The following HDGFL3 variants were observed in gnomAD, a reference collection of about 807,000 sequenced individuals.
HDGFL3 encodes the protein hepatoma-derived growth factor-related protein 3.
A neutral mutation model predicts 27.6 loss-of-function variants in HDGFL3; 6 were observed. The ratio of observed to expected loss-of-function variants is 0.22; its 90% CI spans 0.12 to 0.43. The LOEUF is 0.43. Among genes scored for constraint, HDGFL3 ranks in the 20% least tolerant of loss-of-function variants. The probability of loss-of-function intolerance (pLI) is 1.00; values close to 1 mark genes in which losing one functional copy is unlikely to be tolerated. For missense variants in HDGFL3, 207 were observed against 250.1 expected, an observed-to-expected ratio of 0.83 and a Z score of 1.16; for synonymous variants, 88 against 88.9, an observed-to-expected ratio of 0.99 and a Z score of 0.05.
In HDGFL3 at chr15:83,135,903, A is replaced by G. The variant is rs2036576007; in HGVS notation, c.*3367T>C. ...TAAAAGCTGCAGAAAAAACAAATAC[A>G]TGAATAAATGAATAAACAAAAAACA... On this transcript the variant is annotated 3_prime_UTR_variant, in exon 6 of 6. Coordinates refer to ENST00000299633, the MANE Select transcript of HDGFL3 (RefSeq NM_016073.4). 6.6e-6 allele frequency: 1 copy of G among 152,322 alleles called. No homozygotes were observed. The highest frequency in any genetic ancestry group is 2.1e-4 in the South Asian group (1 of 4,828). The allele number at this position is 152,322 out of a possible 1,614,324, so 9.4% of individuals were successfully genotyped here.
intron 5 of HDGFL3, among the ~76,000 whole-genome samples, chr15:83,140,506 G>C (rs1263143620): frequency 8.2e-6 from 1 of 121,834 alleles, no homozygotes; most frequent in East Asian, 2.5e-4. Context: ...TTTTGAGACA[G>C]AGTCTCGCTC....
At chr15:83,143,360 G>A (rs939099834) in intron 5 of HDGFL3, among the ~76,000 whole-genome samples, 11 of 150,832 alleles carry the variant, frequency 7.3e-5, no homozygotes, top group African/African-American at 2.2e-4. Context: ...TGAGGCGGGC[G>A]AATCACTTGA....
intron 1 of HDGFL3, among the ~76,000 whole-genome samples, chr15:83,196,553 A>T (rs185136861): frequency 6.6e-6 from 1 of 152,230 alleles, no homozygotes; most frequent in Non-Finnish European, 1.5e-5. Context: ...TCAAATCTAC[A>T]TCATGAAGCC....
Position 83,207,566 on chromosome 15 carries a change from G to T in HDGFL3, c.-152C>A. 2.1e-6 allele frequency: 1 copy of T among 479,390 alleles called. No homozygotes were observed. Among genetic ancestry groups the T allele is most frequent in the Non-Finnish European group, 3.2e-6 (1 of 309,596 alleles). 29.7% of individuals were successfully genotyped at this position (479,390 alleles called of 1,614,324 possible). A position where few individuals can be genotyped will look rare whatever the true frequency, so the allele number is the denominator to read the frequency against. On this transcript the variant is annotated 5_prime_UTR_variant, in exon 1 of 6. Transcript: ENST00000299633. The surrounding 1 kb of genome is among the most constrained non-coding windows in gnomAD (Gnocchi z 4.8). ...CGACGAGGGGAAGCGGCGAGGCGGC[G>T]GCTGAGGCAAGGGGTGGGCGGGGGG...
chr15:83,189,338 A>T (rs1375578078), intron 1 of HDGFL3: 1 of 152,194 alleles, frequency 6.6e-6, no homozygotes, highest in Non-Finnish European at 1.5e-5. Context: ...AAGGCCTTAC[A>T]TGATATGGCT....
chr15:83,198,305 C>CAA (rs1567178354), intron 1 of HDGFL3, among the ~76,000 whole-genome samples: 1 of 152,066 alleles, frequency 6.6e-6, no homozygotes, highest in Non-Finnish European at 1.5e-5. Flanking sequence ...ATCATCCTCT[C>CAA]AAAAATCCAA....
chr15:83,122,087 A>C, intron 3 of HDGFL3: 1 of 1,101,932 alleles, frequency 9.1e-7, no homozygotes, highest in Non-Finnish European at 1.3e-6. Flanking sequence ...TTTAGTTATA[A>C]TAGAACCAAG....
At chr15:83,122,012 C>T (rs2151362618) in intron 3 of HDGFL3, 1 of 1,600,600 alleles carries the variant, frequency 6.2e-7, no homozygotes, top group Non-Finnish European at 8.5e-7. Flanking sequence ...AGGTAAGAAA[C>T]TTTATCTTAA....
chr15:83,197,536 T>C (rs2037586540), intron 1 of HDGFL3, among the ~76,000 whole-genome samples: 1 of 152,138 alleles, frequency 6.6e-6, no homozygotes, highest in African/African-American at 2.4e-5. Context: ...TAGAAACATG[T>C]TAATCGCAAA....
intron 1 of HDGFL3, among the ~76,000 whole-genome samples, chr15:83,205,276 C>A (rs2037703168): frequency 6.6e-6 from 1 of 152,134 alleles, no homozygotes; most frequent in Admixed American, 6.6e-5. Context: ...TTTTTCTAAC[C>A]TTTACCTTTG....
intron 5 of HDGFL3, among the ~76,000 whole-genome samples, chr15:83,145,897 C>CTTTTT (rs3082058): frequency 2.2e-4 from 11 of 49,476 alleles, no homozygotes; most frequent in Admixed American, 4.1e-4. Flanking sequence ...TTTCTTCTTC[C>CTTTTT]TTTTTTTTTT....
At chr15:83,201,679 GAATT>G (rs1555456479) in intron 1 of HDGFL3, among the ~76,000 whole-genome samples, 1 of 152,104 alleles carries the variant, frequency 6.6e-6, no homozygotes, top group Non-Finnish European at 1.5e-5. Flanking sequence ...TGACTTCCGA[GAATT>G]AATATTATTT....
chr15:83,179,815 A>G (rs2037357290), intron 1 of HDGFL3: 1 of 152,254 alleles, frequency 6.6e-6, no homozygotes, highest in South Asian at 2.1e-4. Context: ...TCATCCCTGT[A>G]GCACTACTGC....
At chr15:83,140,607 G>A (rs1201076040) in intron 5 of HDGFL3, among the ~76,000 whole-genome samples, 1 of 150,508 alleles carries the variant, frequency 6.6e-6, no homozygotes, top group African/African-American at 2.4e-5. Context: ...TCAGCCTCCT[G>A]AGTAGCTGGG....
At chr15:83,181,758 G>A (rs1386447965) in intron 1 of HDGFL3, among the ~76,000 whole-genome samples, 2 of 152,194 alleles carry the variant, frequency 1.3e-5, no homozygotes, top group Admixed American at 6.5e-5. Flanking sequence ...TTACAGGCGT[G>A]AGCCACCATG....
chr15:83,131,309 T>C lies in HDGFL3; in HGVS notation c.*7961A>G, dbSNP rs1317211626. 1 of 151,926 alleles carries C rather than the reference T, an allele frequency of 6.6e-6. No individual in the cohort carries two copies. Among genetic ancestry groups the C allele is most frequent in the African/African-American group, 2.4e-5 (1 of 41,360 alleles). The allele number at this position is 151,926 out of a possible 1,614,324, so 9.4% of individuals were successfully genotyped here. ...GAAAAAAAAACCACCTTTGAAAAGT[T>C]CTAGATCAGTATAGGCCAATGGAAG... is the stretch of plus-strand genomic sequence containing the variant. On this transcript the variant is annotated 3_prime_UTR_variant, in exon 6 of 6. Coordinates refer to ENST00000299633, the MANE Select transcript of HDGFL3 (RefSeq NM_016073.4).
chr15:83,148,612 A>G (rs1329592897), intron 5 of HDGFL3, among the ~76,000 whole-genome samples: 1 of 151,244 alleles, frequency 6.6e-6, no homozygotes, highest in Non-Finnish European at 1.5e-5. Flanking sequence ...ACAGAGTGAG[A>G]CTCCGTCTCG....
rs745474620 is a variant in HDGFL3, at chr15:83,138,985, G to C, written c.*285C>G. On this transcript the variant is annotated 3_prime_UTR_variant, in exon 6 of 6. Coordinates refer to ENST00000299633, the MANE Select transcript of HDGFL3 (RefSeq NM_016073.4). ...TAACTGCCTTGATAAAAGGATCCTA[G>C]ACATGTATAAGTCTGCGCAAAAATC... The C allele has an allele frequency of 7.9e-6, 2 of 253,336 alleles. No individual in the cohort carries two copies. The highest frequency in any genetic ancestry group is 1.5e-5 in the Non-Finnish European group (2 of 133,236). The allele number at this position is 253,336 out of a possible 1,614,324, so 15.7% of individuals were successfully genotyped here. A position where few individuals can be genotyped will look rare whatever the true frequency, so the allele number is the denominator to read the frequency against.
intron 1 of HDGFL3, among the ~76,000 whole-genome samples, chr15:83,190,726 A>T (rs1438863814): frequency 6.6e-6 from 1 of 151,928 alleles, no homozygotes; most frequent in East Asian, 1.9e-4. Context: ...TATCTTTTCA[A>T]TTTCATTATA....
Sources: gnomAD v4.1 joint callset for allele counts (sites outside exome capture counted in the v4.1 genomes callset) on GRCh38, gnomAD v4.1.1 for gene constraint, Gnocchi (gnomAD v3.1) non-coding constraint, MANE v1.5 for transcripts, NCBI Gene and HGNC (gene_info 2026-07-23, HGNC 2026-07-21) for gene names.